The following CLDN16 variants were observed in gnomAD, a reference collection of about 807,000 sequenced individuals.
The protein encoded by CLDN16 is claudin 16, also known as claudin-16.
In CLDN16, 13 loss-of-function variants were observed where a neutral mutation model predicts 24.6. The observed-to-expected ratio is 0.53, with a 90% CI of 0.34 to 0.84. The LOEUF is 0.84. Among genes scored for constraint, CLDN16 ranks in the 40% least tolerant of loss-of-function variants. The pLI is 0.01. For missense variants in CLDN16, 298 were observed against 292.7 expected, an observed-to-expected ratio of 1.02 and a Z score of -0.13; for synonymous variants, 116 against 106.7, an observed-to-expected ratio of 1.09 and a Z score of -0.54.
chr3:190,326,099 C>A (rs1009943508), intron 1 of CLDN16, among the ~76,000 whole-genome samples: 1 of 152,168 alleles, frequency 6.6e-6, no homozygotes, highest in African/African-American at 2.4e-5. Context: ...ATTTGCATAA[C>A]ATCCTTGTGA....
At chr3:190,321,839 T>C (rs79757833), upstream of CLDN16, 2,226 of 686,376 alleles carry the variant, frequency 3.2e-3, 7 homozygotes, top group Admixed American at 4.6e-3. Context: ...ATTCTCTTCA[T>C]TTCCTTATGA....
the CLDN16 span, among the ~76,000 whole-genome samples, chr3:190,292,652 G>C: frequency 1.3e-5 from 2 of 152,150 alleles, no homozygotes; most frequent in East Asian, 1.9e-4. Flanking sequence ...TTTATGCTCT[G>C]CTTCCCTTTT....
chr3:190,310,055 G>T, the CLDN16 span: 2 of 825,678 alleles, frequency 2.4e-6, no homozygotes, highest in South Asian at 1.4e-5. Context: ...TTGTAGGTTT[G>T]ACATAAAATT....
chr3:190,342,738 G>A lies in CLDN16; in HGVS notation n.121+20077G>A, dbSNP rs62280989. Among the ~76,000 whole-genome samples the A allele has an allele frequency of 2.8e-3, 429 of 152,260 alleles. 1 individual carries two copies. The highest frequency in any genetic ancestry group is 4.9e-3 in the Non-Finnish European group (333 of 68,022). On this transcript the variant is annotated intron_variant and non_coding_transcript_variant, in intron 1 of 4. Coordinates refer to the CLDN16 transcript ENST00000468220. ...AAAAAGATAGTGTTTTCAATAAATG[G>A]TGCTCAGAAAACTGGATTTTCACAT...
intron 1 of CLDN16, among the ~76,000 whole-genome samples, chr3:190,332,034 T>C (rs1056487868): frequency 2.0e-5 from 3 of 152,188 alleles, no homozygotes; most frequent in Non-Finnish European, 2.9e-5. Context: ...ATAAGGACAC[T>C]TGTGATAACA....
At chr3:190,322,410 A>G (rs1716954345), upstream of CLDN16, 3 of 605,162 alleles carry the variant, frequency 5.0e-6, no homozygotes, top group African/African-American at 1.8e-5. Flanking sequence ...TCTGGATACT[A>G]GAAGCTGCGG....
chr3:190,344,136 A>G (rs1268606047), intron 1 of CLDN16, among the ~76,000 whole-genome samples: 22 of 152,088 alleles, frequency 1.4e-4, no homozygotes, highest in African/African-American at 5.3e-4. Context: ...TATAAAAAAT[A>G]ATTTTGAAAA....
At chr3:190,352,613 A>G (rs1017746288) in intron 1 of CLDN16, among the ~76,000 whole-genome samples, 9 of 152,164 alleles carry the variant, frequency 5.9e-5, no homozygotes, top group African/African-American at 2.2e-4. Context: ...GAAAAGTCGC[A>G]CAGAAAACTG....
At chr3:190,326,665 T>C (rs540735126) in intron 1 of CLDN16, among the ~76,000 whole-genome samples, 1 of 152,314 alleles carries the variant, frequency 6.6e-6, no homozygotes, top group East Asian at 1.9e-4. Context: ...CTCAGTTTGA[T>C]ATTTTTATTA....
the CLDN16 span, among the ~76,000 whole-genome samples, chr3:190,292,268 C>T: frequency 6.6e-6 from 1 of 152,214 alleles, no homozygotes; most frequent in Admixed American, 6.5e-5. Flanking sequence ...CTTCTGTGGA[C>T]TCACAGGCAC....
chr3:190,359,175 C>G (rs1361587553), intron 1 of CLDN16, among the ~76,000 whole-genome samples: 1 of 151,972 alleles, frequency 6.6e-6, no homozygotes, highest in African/African-American at 2.4e-5. Flanking sequence ...TTAAGCATCT[C>G]CTGCAACTGC....
At chr3:190,359,458 C>A (rs1448764541) in intron 1 of CLDN16, among the ~76,000 whole-genome samples, 2 of 152,016 alleles carry the variant, frequency 1.3e-5, no homozygotes, top group Non-Finnish European at 2.9e-5. Flanking sequence ...TTATTGCAAT[C>A]CTACAGTTGT....
intron 2 of CLDN16, among the ~76,000 whole-genome samples, chr3:190,374,269 TTGTG>T (rs3220823): frequency 0.037 from 5,193 of 139,298 alleles, 121 homozygotes; most frequent in South Asian, 0.079. Context: ...CTGAAAAACA[TTGTG>T]TGTGTGTGTG....
chr3:190,383,359 G>C (rs1283250820), upstream of CLDN16, among the ~76,000 whole-genome samples: 1 of 152,034 alleles, frequency 6.6e-6, no homozygotes, highest in Admixed American at 6.6e-5. Flanking sequence ...CTGAACACTT[G>C]GTGTTTGCTC....
chr3:190,351,022 A>T (rs781601698), intron 1 of CLDN16, among the ~76,000 whole-genome samples: 4 of 152,030 alleles, frequency 2.6e-5, no homozygotes, highest in Non-Finnish European at 4.4e-5. Flanking sequence ...CTTGTGGGTA[A>T]ATCACTCATG....
chr3:190,330,738 A>C (rs1443638472), intron 1 of CLDN16, among the ~76,000 whole-genome samples: 1 of 152,218 alleles, frequency 6.6e-6, no homozygotes. Context: ...CAATGGAACA[A>C]GTTGCCTTAT....
intron 2 of CLDN16, among the ~76,000 whole-genome samples, chr3:190,404,412 G>A (rs953788370): frequency 6.6e-6 from 1 of 152,008 alleles, no homozygotes; most frequent in African/African-American, 2.4e-5. Flanking sequence ...TGCTACCTTC[G>A]ATTCAGCAAT....
At chr3:190,300,438 G>T in the CLDN16 span, among the ~76,000 whole-genome samples, 1 of 152,084 alleles carries the variant, frequency 6.6e-6, no homozygotes, top group Non-Finnish European at 1.5e-5. Context: ...TCCATTCACA[G>T]GTGTCAGACC....
chr3:190,380,213 TCCC>T (rs1370752479), intron 3 of CLDN16, among the ~76,000 whole-genome samples: 4 of 107,926 alleles, frequency 3.7e-5, no homozygotes, highest in African/African-American at 1.5e-4. Context: ...CCTTCCTTCC[TCCC>T]TTCCTTCCTT....
Sources: gnomAD v4.1 joint callset for allele counts (sites outside exome capture counted in the v4.1 genomes callset) on GRCh38, gnomAD v4.1.1 for gene constraint, MANE v1.5 for transcripts, NCBI Gene and HGNC (gene_info 2026-07-23, HGNC 2026-07-21) for gene names.